The following SEC24D variants were observed in gnomAD, a reference collection of about 807,000 sequenced individuals.
SEC24D encodes SEC24 homolog D, COPII component, also known as protein transport protein Sec24D.
Under a neutral mutation model 116.9 loss-of-function variants are expected in SEC24D, and 69 were observed. The observed-to-expected ratio is 0.59, with a 90% CI of 0.49 to 0.72. SEC24D has a LOEUF of 0.72. Ranked by LOEUF, SEC24D falls within the 30% of genes least tolerant of loss-of-function variation. SEC24D has a pLI of 0.00. For synonymous variants in SEC24D, 405 were observed against 442.8 expected (o/e 0.91, Z 1.07); for missense variants, 1,131 against 1,264.1 (o/e 0.89, Z 1.60).
At chr4:118,805,777 G>C (rs1729649057) in intron 7 of SEC24D, 66 bp downstream of exon 7, 1 of 873,890 alleles carries the variant, frequency 1.1e-6, no homozygotes, top group South Asian at 1.8e-5. Flanking sequence ...GGGTGTCAGT[G>C]TATTTGCTTT....
At chr4:118,823,971 T>C (rs149576696) in intron 3 of SEC24D, among the ~76,000 whole-genome samples, 113 of 152,148 alleles carry the variant, frequency 7.4e-4, no homozygotes, top group African/African-American at 2.6e-3. Context: ...TCCAAGAAAA[T>C]AGAATGATTT....
Position 118,764,882 on chromosome 4 carries a change from C to G in SEC24D, c.1216G>C (p.Gly406Arg), listed in dbSNP as rs764652297. The G allele has an allele frequency of 6.2e-7, 1 of 1,608,690 alleles. No homozygotes were observed. The highest frequency in any genetic ancestry group is 1.7e-5 in the Admixed American group (1 of 59,958). Residue 406 changes from glycine to arginine, a missense_variant, in exon 10 of 23, where the codon GGA (glycine) becomes CGA (arginine). By Grantham distance (125) the Gly-to-Arg change is moderately radical (BLOSUM62 -2). Coordinates refer to ENST00000280551, the MANE Select transcript of SEC24D (RefSeq NM_014822.4). ...PFYFQHLDHI[G>R]RRLDHYEKPE... ...TTCTCATAGTGGTCCAGTCTTCTTC[C>G]AATGTGGTCCAGATGTTGGAAATAG...
intron 2 of SEC24D, among the ~76,000 whole-genome samples, chr4:118,832,236 A>G (rs1156924929): frequency 6.6e-6 from 1 of 152,198 alleles, no homozygotes; most frequent in Admixed American, 6.5e-5. Context: ...CTCCACCTCA[A>G]AAGACAACAA....
chr4:118,829,856 C>T (rs935553064), intron 2 of SEC24D, among the ~76,000 whole-genome samples: 15 of 151,500 alleles, frequency 9.9e-5, no homozygotes, highest in African/African-American at 3.6e-4. Context: ...TTTACAAAAA[C>T]ACAATGAATA....
intron 19 of SEC24D, among the ~76,000 whole-genome samples, chr4:118,733,528 G>A (rs889367142): frequency 6.6e-6 from 1 of 152,062 alleles, no homozygotes; most frequent in African/African-American, 2.4e-5. Context: ...TTGTGTCATA[G>A]GTTCTGTGCA....
intron 19 of SEC24D, among the ~76,000 whole-genome samples, chr4:118,733,613 T>C (rs1002214635): frequency 3.9e-5 from 6 of 152,166 alleles, no homozygotes; most frequent in Non-Finnish European, 5.9e-5. Context: ...GGGATAGACA[T>C]ATAAATACAT....
At chr4:118,825,675 G>GA (rs1231723580) in intron 2 of SEC24D, 2 of 415,684 alleles carry the variant, frequency 4.8e-6, no homozygotes, top group Non-Finnish European at 9.2e-6. Flanking sequence ...CTTCTAGAAA[G>GA]AAAAAAAGAG....
At chr4:118,821,999 C>A (rs1730422433) in intron 3 of SEC24D, among the ~76,000 whole-genome samples, 1 of 152,164 alleles carries the variant, frequency 6.6e-6, no homozygotes, top group African/African-American at 2.4e-5. Flanking sequence ...GGAATCACCA[C>A]AAAAGCAGAT....
chr4:118,778,317 C>T (rs1231596729), intron 8 of SEC24D, among the ~76,000 whole-genome samples: 1 of 152,194 alleles, frequency 6.6e-6, no homozygotes, highest in Admixed American at 6.5e-5. Context: ...TTTCAGCTTT[C>T]TACATATGGC....
chr4:118,798,471 T>C (rs527340467), intron 7 of SEC24D, among the ~76,000 whole-genome samples: 1 of 152,336 alleles, frequency 6.6e-6, no homozygotes, highest in East Asian at 1.9e-4. Context: ...TAAAGAATAT[T>C]TGTATCACTA....
chr4:118,813,531 CTCTTT>C (rs1298584814), intron 6 of SEC24D, among the ~76,000 whole-genome samples: 1 of 152,154 alleles, frequency 6.6e-6, no homozygotes, highest in Non-Finnish European at 1.5e-5. Context: ...TAGCTCAGGT[CTCTTT>C]TCTTCTTCTT....
Position 118,732,782 on chromosome 4 carries a change from A to G in SEC24D, c.2627T>C (p.Met876Thr). 3 of 1,614,104 alleles carry G rather than the reference A, an allele frequency of 1.9e-6. No homozygotes were observed. Among genetic ancestry groups the G allele is most frequent in the Non-Finnish European group, 2.5e-6 (3 of 1,179,976 alleles). ...RAYQRQLVMT[M>T]GVADSQLFFY... ...GAAAAGCTGAGAGTCAGCCACACCC[A>G]TGGTCATGACCAGCTGTCTCTGGTA... The change falls in exon 20 of 23, where the codon ATG (methionine) becomes ACG (threonine). Residue 876 changes from methionine to threonine, a missense_variant. Met to Thr is a moderately conservative substitution (Grantham distance 81). Transcript: ENST00000280551.
intron 22 of SEC24D, among the ~76,000 whole-genome samples, chr4:118,724,491 A>G (rs1725307848): frequency 6.6e-6 from 1 of 152,250 alleles, no homozygotes; most frequent in Non-Finnish European, 1.5e-5. Flanking sequence ...TAAAATATAA[A>G]AATATCTCAA....
At chr4:118,796,868 T>C (rs892677591) in intron 8 of SEC24D, among the ~76,000 whole-genome samples, 2 of 152,250 alleles carry the variant, frequency 1.3e-5, no homozygotes, top group Non-Finnish European at 2.9e-5. Flanking sequence ...ACTGGGGCTC[T>C]GGCCTTTAGT....
chr4:118,768,743 G>C (rs907271687), intron 8 of SEC24D, among the ~76,000 whole-genome samples: 3 of 151,630 alleles, frequency 2.0e-5, no homozygotes, highest in Admixed American at 6.6e-5. Flanking sequence ...CCCCAGGACA[G>C]TAAAGATGTC....
intron 2 of SEC24D, among the ~76,000 whole-genome samples, chr4:118,832,800 AG>A (rs760754483): frequency 3.9e-5 from 6 of 152,232 alleles, no homozygotes; most frequent in Non-Finnish European, 7.3e-5. Context: ...AATGCTGAGG[AG>A]AAATGAACCA....
intron 6 of SEC24D, among the ~76,000 whole-genome samples, chr4:118,806,580 G>C (rs927673406): frequency 6.6e-6 from 1 of 151,628 alleles, no homozygotes; most frequent in African/African-American, 2.4e-5. Flanking sequence ...CAATCCTCCT[G>C]CCTTGGCCTC....
intron 8 of SEC24D, among the ~76,000 whole-genome samples, 159 bp from the exon 9 acceptor site, chr4:118,768,470 C>T (rs1727749256): frequency 6.6e-6 from 1 of 150,800 alleles, no homozygotes; most frequent in South Asian, 2.1e-4. Context: ...TGTTTGCCCA[C>T]TGCAACCTCC....
At chr4:118,789,791 A>G (rs1305239075) in intron 8 of SEC24D, among the ~76,000 whole-genome samples, 11 of 152,084 alleles carry the variant, frequency 7.2e-5, no homozygotes, top group Non-Finnish European at 1.2e-4. Context: ...TCACCATGTT[A>G]GCCAGGATGG....
Sources: allele counts gnomAD v4.1 joint callset (sites outside exome capture counted in the v4.1 genomes callset), GRCh38; gene constraint gnomAD v4.1.1; transcripts MANE v1.5; gene names NCBI Gene and HGNC (gene_info 2026-07-23, HGNC 2026-07-21).